Variants in ERAP1 observed in about 807,000 individuals in gnomAD.
ERAP1 encodes the protein adipocyte-derived leucine aminopeptidase.
In ERAP1, 86 loss-of-function variants were observed where a neutral mutation model predicts 103.7. That is an observed-to-expected ratio of 0.83 (90% CI 0.70 to 0.99). ERAP1 has a LOEUF of 0.99. ERAP1 is among the 50% of genes least tolerant of loss of function. The pLI, the probability that ERAP1 is intolerant of heterozygous loss-of-function variation, is 0.00. For missense variants in ERAP1, 1,009 were observed against 1,128.4 expected, an observed-to-expected ratio of 0.89 and a Z score of 1.52; for synonymous variants, 398 against 402.4, an observed-to-expected ratio of 0.99 and a Z score of 0.13.
At chr5:96,832,440 A>G in the ERAP1 span, among the ~76,000 whole-genome samples, 3 of 152,212 alleles carry the variant, frequency 2.0e-5, no homozygotes, top group Non-Finnish European at 4.4e-5. Context: ...TCTTGATTAA[A>G]TTGAGTGGAA....
chr5:96,771,743 T>G, downstream of ERAP1: 1 of 1,249,446 alleles, frequency 8.0e-7, no homozygotes, highest in South Asian at 1.2e-5. Flanking sequence ...CAACTGTATC[T>G]TCTGCCAATT....
chr5:96,762,875 T>C (rs1487883650), exon 20 of ERAP1: 4 of 392,722 alleles, frequency 1.0e-5, no homozygotes, highest in African/African-American at 8.1e-5. Context: ...TTTGTCACTT[T>C]CATACTAGCA....
At chr5:96,863,174 GCCCTCCTCAGGCT>G in the ERAP1 span, among the ~76,000 whole-genome samples, 1 of 151,936 alleles carries the variant, frequency 6.6e-6, no homozygotes, top group East Asian at 1.9e-4. Context: ...CTCCCTGTGT[GCCCTCCTCAGGCT>G]CCTCTCCATT....
chr5:96,872,483 C>A, the ERAP1 span, among the ~76,000 whole-genome samples: 1 of 152,096 alleles, frequency 6.6e-6, no homozygotes, highest in Non-Finnish European at 1.5e-5. Context: ...CCTGTAGCCC[C>A]AGCTACTTGG....
chr5:96,872,041 G>A, the ERAP1 span, among the ~76,000 whole-genome samples: 1 of 151,910 alleles, frequency 6.6e-6, no homozygotes, highest in Non-Finnish European at 1.5e-5. Flanking sequence ...AAAATTTTAA[G>A]CCCATAATAT....
the ERAP1 span, among the ~76,000 whole-genome samples, chr5:96,846,142 A>G: frequency 1.1e-4 from 16 of 152,188 alleles, no homozygotes; most frequent in Admixed American, 6.5e-5. Flanking sequence ...CATGATTGTA[A>G]TGTATTCTCC....
At chr5:96,881,511 C>T in the ERAP1 span, 6 of 455,524 alleles carry the variant, frequency 1.3e-5, 1 homozygote, top group East Asian at 6.9e-5. Flanking sequence ...TGCACTCTCA[C>T]GTTATGTGAA....
Position 96,793,519 on chromosome 5 carries a change from A to C in ERAP1, c.1075-6T>G. 6.3e-7 allele frequency: 1 copy of C among 1,598,440 alleles called. No individual in the cohort carries two copies. Among genetic ancestry groups the C allele is most frequent in the East Asian group, 2.2e-5 (1 of 44,740 alleles). ...GTGACCAGGTTCCCAAACCACTAAA[A>C]GCACAACATAAGCCATAAACAAAGA... On this transcript the variant is annotated splice_polypyrimidine_tract_variant and splice_region_variant and intron_variant, in intron 6 of 18. Coordinates refer to ENST00000443439, the MANE Select transcript of ERAP1 (RefSeq NM_001040458.3).
intron 7 of ERAP1, 93 bp downstream of exon 7, chr5:96,793,307 A>G (rs530326180): frequency 2.3e-5 from 21 of 921,132 alleles, no homozygotes; most frequent in Non-Finnish European, 3.2e-5. Context: ...ATATTTTTAT[A>G]AGTTCTATAA....
At chr5:96,763,715 T>C (rs557512768) in intron 19 of ERAP1, among the ~76,000 whole-genome samples, 1 of 152,176 alleles carries the variant, frequency 6.6e-6, no homozygotes, top group Non-Finnish European at 1.5e-5. Context: ...CACGGGAGCT[T>C]TCTTTGCTGT....
chr5:96,928,452 G>C, the ERAP1 span, among the ~76,000 whole-genome samples: 1 of 152,162 alleles, frequency 6.6e-6, no homozygotes, highest in Non-Finnish European at 1.5e-5. Context: ...GAGGAAGTTT[G>C]GACACAGGTA....
the ERAP1 span, chr5:96,881,083 G>C: frequency 4.3e-6 from 1 of 233,290 alleles, no homozygotes; most frequent in Admixed American, 5.2e-5. Context: ...AAGCTGAGGA[G>C]AGCGAACAAG....
the ERAP1 span, among the ~76,000 whole-genome samples, chr5:96,832,377 T>C: frequency 0.47 from 72,035 of 152,052 alleles, 17,369 homozygotes; most frequent in Non-Finnish European, 0.51. Flanking sequence ...ATTAAATCAA[T>C]GGGTAGAATA....
the ERAP1 span, among the ~76,000 whole-genome samples, chr5:96,846,639 G>A: frequency 1.3e-5 from 2 of 152,142 alleles, no homozygotes; most frequent in Non-Finnish European, 2.9e-5. Context: ...CCCAGGACAT[G>A]CTGTTGCTGC....
At position 96,785,871 on chromosome 5, in the gene ERAP1, CAA is replaced by C. The variant is rs767612801; in HGVS notation, c.1858_1859del (p.Leu620AspfsTer14). ...TGTGTGTTCCTTTTAAAAGGCCAGTCAAAGAGTCCCATCCATCATCCTCGTAA... is the reference window on the plus strand; with the variant it reads ...TGTGTGTTCCTTTTAAAAGGCCAGTCAGAGTCCCATCCATCATCCTCGTAA... ...VHYEDDGWDS[L>X]TGLLKGTHTA... On this transcript the variant is annotated frameshift_variant, in exon 13 of 19. Transcript: ENST00000443439. LOFTEE classifies it high-confidence loss of function. 2.5e-5 allele frequency: 40 copies of C among 1,612,086 alleles called. No individual in the cohort carries two copies. The highest frequency in any genetic ancestry group is 9.9e-5 in the South Asian group (9 of 91,070).
chr5:96,864,736 G>T, the ERAP1 span, among the ~76,000 whole-genome samples: 13,661 of 152,050 alleles, frequency 0.09, 736 homozygotes, highest in Non-Finnish European at 0.12. Flanking sequence ...TTTGATTTGG[G>T]TATCTTGAAA....
Position 96,775,669 on chromosome 5 carries a change from T to G in ERAP1, c.*727A>C. On this transcript the variant is annotated 3_prime_UTR_variant, in exon 19 of 19. Transcript: ENST00000443439. ...ACTGAGGCCACTAATCCTGAAGGGA[T>G]GAGGAGGGAGCAGTTACCAAAATCC... The G allele has an allele frequency of 4.1e-6, 1 of 242,636 alleles. No homozygotes were observed. The highest frequency in any genetic ancestry group is 6.6e-6 in the Non-Finnish European group (1 of 150,780). 15.0% of individuals were successfully genotyped at this position (242,636 alleles called of 1,614,324 possible).
the ERAP1 span, chr5:96,879,575 G>A: frequency 1.4e-5 from 10 of 724,740 alleles, no homozygotes; most frequent in Admixed American, 8.2e-5. Flanking sequence ...TTAAATTCAT[G>A]TATTGAAAAT....
At chr5:96,902,259 T>C in the ERAP1 span, 5 of 1,561,714 alleles carry the variant, frequency 3.2e-6, no homozygotes, top group South Asian at 4.4e-5. Flanking sequence ...TAACTATCTT[T>C]ACTCTCTGTC....
Sources: allele counts gnomAD v4.1 joint callset (sites outside exome capture counted in the v4.1 genomes callset), GRCh38; gene constraint gnomAD v4.1.1; transcripts MANE v1.5; gene names NCBI Gene and HGNC (gene_info 2026-07-23, HGNC 2026-07-21).